The following ERG variants were observed in gnomAD, a reference collection of about 807,000 sequenced individuals.
The protein encoded by ERG is ETS transcription factor ERG.
In ERG, 9 loss-of-function variants were observed where a neutral mutation model predicts 55.3. That is an observed-to-expected ratio of 0.16 (90% CI 0.10 to 0.28). The LOEUF is 0.28. ERG is among the 10% of genes least tolerant of loss of function. The pLI, the probability that ERG is intolerant of heterozygous loss-of-function variation, is 1.00. For missense variants in ERG, 434 were observed against 631.6 expected, an observed-to-expected ratio of 0.69 and a Z score of 3.35; for synonymous variants, 223 against 237.3, an observed-to-expected ratio of 0.94 and a Z score of 0.55.
chr21:38,555,488 C>T (rs1239628837), intron 2 of ERG, among the ~76,000 whole-genome samples: 2 of 151,566 alleles, frequency 1.3e-5, no homozygotes, highest in Admixed American at 6.6e-5. Flanking sequence ...ATATATGAAA[C>T]ACATTTGACA....
the ERG span, among the ~76,000 whole-genome samples, chr21:38,373,119 A>T: frequency 6.6e-6 from 1 of 152,274 alleles, no homozygotes; most frequent in Non-Finnish European, 1.5e-5. Context: ...TGGGGCTAGA[A>T]TCTGCATAAC....
chr21:38,540,843 G>T (rs2059746852), intron 2 of ERG, among the ~76,000 whole-genome samples: 1 of 152,172 alleles, frequency 6.6e-6, no homozygotes. Context: ...CATTTTGGGG[G>T]TGACAATGGT....
chr21:38,473,159 CAAAAAAAAAAAA>C (rs33994175), intron 1 of ERG, among the ~76,000 whole-genome samples: 10 of 106,056 alleles, frequency 9.4e-5, no homozygotes, highest in Admixed American at 9.3e-4. Context: ...AGGATGCGCT[CAAAAAAAAAAAA>C]AAAAAAAAGG....
the ERG span, among the ~76,000 whole-genome samples, chr21:38,374,510 CA>C: frequency 6.6e-6 from 1 of 152,194 alleles, no homozygotes; most frequent in Non-Finnish European, 1.5e-5. Context: ...AAAAACTCTC[CA>C]CATTCCTTTG....
intron 1 of ERG, among the ~76,000 whole-genome samples, chr21:38,480,560 A>C (rs190430182): frequency 8.6e-5 from 11 of 128,432 alleles, no homozygotes; most frequent in Admixed American, 8.5e-4. Context: ...GTTTTTAACA[A>C]AAATTTTGCC....
chr21:38,585,773 C>T (rs1203929103), upstream of ERG, among the ~76,000 whole-genome samples: 1 of 151,860 alleles, frequency 6.6e-6, no homozygotes, highest in Non-Finnish European at 1.5e-5. Flanking sequence ...TTGACATTCC[C>T]ACTCTACTTA....
At chr21:38,406,248 C>T (rs1201707873) in intron 3 of ERG, among the ~76,000 whole-genome samples, 3 of 151,436 alleles carry the variant, frequency 2.0e-5, no homozygotes, top group African/African-American at 7.3e-5. Context: ...ACAAAAACTC[C>T]AACGGCAGTG....
At chr21:38,630,351 C>T (rs2060349682) in intron 1 of ERG, among the ~76,000 whole-genome samples, 1 of 152,150 alleles carries the variant, frequency 6.6e-6, no homozygotes, top group South Asian at 2.1e-4. Context: ...GTATGATTAT[C>T]AGGGACCCAG....
chr21:38,388,691 A>G (rs770663745), intron 9 of ERG, among the ~76,000 whole-genome samples: 3 of 152,206 alleles, frequency 2.0e-5, no homozygotes, highest in Non-Finnish European at 4.4e-5. Context: ...CTTGCCTGCA[A>G]ATCAAAGATG....
rs1032148987 is a variant in ERG, at chr21:38,382,956, A to G, written c.*447T>C. ...TTTCTCTTGTTTTTGATATGTTTCT[A>G]TTTTTAAATACAGGTAGTTTTCCTT... On this transcript the variant is annotated 3_prime_UTR_variant, in exon 10 of 10. Coordinates refer to ENST00000288319, the MANE Select transcript of ERG (RefSeq NM_182918.4). The G allele has an allele frequency of 1.5e-4, 156 of 1,067,516 alleles. No individual in the cohort carries two copies. Among genetic ancestry groups the G allele is most frequent in the Non-Finnish European group, 1.7e-4 (146 of 880,742 alleles). 66.1% of individuals were successfully genotyped at this position (1,067,516 alleles called of 1,614,324 possible).
At chr21:38,545,857 C>T (rs553654282) in intron 2 of ERG, among the ~76,000 whole-genome samples, 1 of 152,342 alleles carries the variant, frequency 6.6e-6, no homozygotes, top group Admixed American at 6.5e-5. Context: ...GTCTCATTAA[C>T]TCCAACTCAT....
intron 1 of ERG, among the ~76,000 whole-genome samples, chr21:38,627,848 C>A (rs1261092643): frequency 6.6e-6 from 1 of 151,890 alleles, no homozygotes; most frequent in Admixed American, 6.6e-5. Context: ...TGATGTATAT[C>A]TTTATATAAC....
intron 2 of ERG, among the ~76,000 whole-genome samples, chr21:38,555,985 C>G (rs1398529585): frequency 2.6e-5 from 4 of 152,022 alleles, no homozygotes; most frequent in African/African-American, 9.7e-5. Context: ...TAGATTTAAT[C>G]AAAGATAGTT....
chr21:38,410,829 G>T (rs924037975), intron 3 of ERG, among the ~76,000 whole-genome samples: 5 of 152,076 alleles, frequency 3.3e-5, no homozygotes, highest in African/African-American at 1.2e-4. Context: ...CCAAACTGGT[G>T]ATAATGAAAG....
intron 6 of ERG, among the ~76,000 whole-genome samples, chr21:38,397,030 G>A (rs746311203): frequency 1.3e-5 from 2 of 152,132 alleles, no homozygotes; most frequent in South Asian, 2.1e-4. Flanking sequence ...CAACAAAGGG[G>A]TTGTGAAAGA....
chr21:38,600,937 C>T (rs2060160977), intron 1 of ERG, among the ~76,000 whole-genome samples: 1 of 152,134 alleles, frequency 6.6e-6, no homozygotes, highest in East Asian at 1.9e-4. Flanking sequence ...CATCTAACCC[C>T]CCCTGGAAAT....
intron 3 of ERG, among the ~76,000 whole-genome samples, chr21:38,414,850 C>A (rs1989210534): frequency 6.6e-6 from 1 of 152,106 alleles, no homozygotes; most frequent in African/African-American, 2.4e-5. Flanking sequence ...TAACACCTAC[C>A]CAGCTGCTCA....
At chr21:38,514,168 A>G (rs1031755882) in intron 2 of ERG, among the ~76,000 whole-genome samples, 15 of 151,866 alleles carry the variant, frequency 9.9e-5, no homozygotes, top group Admixed American at 3.3e-4. Flanking sequence ...AAAAAAATAA[A>G]AAAAAGAAAG....
intron 2 of ERG, among the ~76,000 whole-genome samples, chr21:38,508,303 T>C (rs1411570053): frequency 6.6e-6 from 1 of 151,898 alleles, no homozygotes; most frequent in Non-Finnish European, 1.5e-5. Context: ...GTGAGGAAGG[T>C]AAATTTTCTC....
Sources: allele counts gnomAD v4.1 joint callset (sites outside exome capture counted in the v4.1 genomes callset), GRCh38; gene constraint gnomAD v4.1.1; transcripts MANE v1.5; gene names NCBI Gene and HGNC (gene_info 2026-07-23, HGNC 2026-07-21).